Variants in MORC1 observed in about 807,000 individuals in gnomAD.
The protein encoded by MORC1 is MORC family CW-type zinc finger 1.
In MORC1, 59 loss-of-function variants were observed where a neutral mutation model predicts 134.9. That is an observed-to-expected ratio of 0.44 (90% CI 0.35 to 0.54). The LOEUF (loss-of-function observed/expected upper bound fraction) is 0.54. Ranked by LOEUF, MORC1 falls within the 20% of genes least tolerant of loss-of-function variation. The probability of loss-of-function intolerance (pLI) is 0.00; values close to 1 mark genes in which losing one functional copy is unlikely to be tolerated. For synonymous variants in MORC1, 395 were observed against 391.7 expected (o/e 1.01, Z -0.10); for missense variants, 947 against 1,134.5 (o/e 0.83, Z 2.37).
intron 14 of MORC1, among the ~76,000 whole-genome samples, chr3:109,040,403 A>AAAGAGAGAGAAG (rs1553753628): frequency 7.4e-5 from 1 of 13,558 alleles, no homozygotes; most frequent in Admixed American, 1.2e-3. Flanking sequence ...AGAAAGAAAG[A>AAAGAGAGAGAAG]GAAGGAAGGA....
At chr3:109,055,457 A>G (rs1486339460) in intron 13 of MORC1, among the ~76,000 whole-genome samples, 2 of 152,138 alleles carry the variant, frequency 1.3e-5, no homozygotes, top group Admixed American at 6.5e-5. Flanking sequence ...TGCCTTTTGC[A>G]CGGCACATGT....
At chr3:109,004,073 A>AAATAAG (rs71629377) in intron 20 of MORC1, among the ~76,000 whole-genome samples, 40 of 152,270 alleles carry the variant, frequency 2.6e-4, no homozygotes, top group African/African-American at 6.0e-4. Context: ...GTCTCAAAAA[A>AAATAAG]AATAAGAATA....
chr3:109,058,130 T>C (rs1950001175), intron 12 of MORC1, among the ~76,000 whole-genome samples: 1 of 152,174 alleles, frequency 6.6e-6, no homozygotes, highest in African/African-American at 2.4e-5. Flanking sequence ...TAAGGAGTTA[T>C]GATATAAACA....
intron 1 of MORC1, among the ~76,000 whole-genome samples, chr3:109,114,979 CT>C (rs1299577470): frequency 6.6e-6 from 1 of 152,234 alleles, no homozygotes; most frequent in African/African-American, 2.4e-5. Flanking sequence ...CCTCAGGTCA[CT>C]TTCTCCTGTA....
At chr3:109,004,067 CA>C (rs151194694) in intron 20 of MORC1, among the ~76,000 whole-genome samples, 3 of 149,724 alleles carry the variant, frequency 2.0e-5, no homozygotes, top group Non-Finnish European at 3.0e-5. Context: ...GACTTCGTCT[CA>C]AAAAAAATAA....
intron 26 of MORC1, among the ~76,000 whole-genome samples, chr3:108,965,818 A>C (rs1338950929): frequency 6.6e-6 from 1 of 152,184 alleles, no homozygotes; most frequent in East Asian, 1.9e-4. Context: ...TGAAAGAAAG[A>C]AGCAAAAACA....
chr3:108,959,177 T>A, intron 27 of MORC1, 57 bp from the exon 28 acceptor site: 2 of 1,453,516 alleles, frequency 1.4e-6, no homozygotes, highest in South Asian at 2.7e-5. Flanking sequence ...CTTATTCCTG[T>A]AATTTGGGCA....
At chr3:108,983,289 G>A (rs1947800813) in intron 23 of MORC1, among the ~76,000 whole-genome samples, 1 of 152,122 alleles carries the variant, frequency 6.6e-6, no homozygotes, top group African/African-American at 2.4e-5. Context: ...CTGGATATCA[G>A]AGACACAGGG....
At position 109,092,733 on chromosome 3, in the gene MORC1, G is replaced by A. The variant is rs193152221; in HGVS notation, c.689+703C>T. ...AAATTTAAGATTAAATATGTCCCTC[G>A]TTGTGGCTCTCATTATATTTCTATT... On this transcript the variant is annotated intron_variant, in intron 8 of 27. Transcript: ENST00000232603. 1.2e-3 allele frequency among the ~76,000 whole-genome samples: 177 copies of A among 151,750 alleles called. 3 individuals are homozygous for A. The highest frequency in any genetic ancestry group is 3.7e-3 in the African/African-American group (152 of 41,342).
intron 9 of MORC1, among the ~76,000 whole-genome samples, chr3:109,067,471 C>A (rs1034280602): frequency 3.3e-5 from 5 of 152,120 alleles, no homozygotes; most frequent in Non-Finnish European, 5.9e-5. Context: ...GAATGGGAAG[C>A]AGCCATCACT....
intron 23 of MORC1, among the ~76,000 whole-genome samples, chr3:108,982,659 A>C (rs1211189878): frequency 6.6e-6 from 1 of 151,340 alleles, no homozygotes; most frequent in Admixed American, 6.6e-5. Context: ...CAGCAAACCA[A>C]CATGGCACAT....
chr3:108,989,128 T>C (rs1361389780), intron 21 of MORC1, among the ~76,000 whole-genome samples: 1 of 152,236 alleles, frequency 6.6e-6, no homozygotes, highest in African/African-American at 2.4e-5. Flanking sequence ...TCTGAATTTT[T>C]TCAAGATGAG....
intron 16 of MORC1, among the ~76,000 whole-genome samples, chr3:109,029,252 T>C (rs1330618394): frequency 6.6e-6 from 1 of 152,188 alleles, no homozygotes; most frequent in East Asian, 1.9e-4. Context: ...GGTAAACAAA[T>C]TCTAGGGACA....
chr3:108,988,885 G>C (rs1947969936), intron 21 of MORC1, among the ~76,000 whole-genome samples: 2 of 152,142 alleles, frequency 1.3e-5, no homozygotes, highest in African/African-American at 4.8e-5. Flanking sequence ...CTAAAGGGCT[G>C]TTTTTCCTAG....
chr3:109,054,822 A>T lies in MORC1; in HGVS notation c.1236T>A (p.His412Gln). The change falls in exon 14 of 28, where the codon CAT becomes CAA. Residue 412 changes from histidine (H) to glutamine (Q), a missense_variant. His to Gln is a conservative substitution (Grantham distance 24, BLOSUM62 0). This residue lies in a region of MORC1 where 722 missense variants were observed against 817.0 expected (regional missense o/e 0.88). Coordinates refer to ENST00000232603, the MANE Select transcript of MORC1 (RefSeq NM_014429.4). ...GGACATTGAGAAATTCCTGTTTATTATGGGATGGTTCCATGACCTCCAAGG... is the reference window on the plus strand; with the variant it reads ...GGACATTGAGAAATTCCTGTTTATTTTGGGATGGTTCCATGACCTCCAAGG... The part of the protein sequence containing the change: ...NIPLEVMEPS[H>Q]NKQEFLNVQE... The T allele has an allele frequency of 2.5e-6, 4 of 1,608,040 alleles. No homozygotes were observed. The highest frequency in any genetic ancestry group is 3.4e-6 in the Non-Finnish European group (4 of 1,178,614).
intron 8 of MORC1, among the ~76,000 whole-genome samples, chr3:109,088,939 T>C (rs1950666341): frequency 6.6e-6 from 1 of 152,148 alleles, no homozygotes; most frequent in African/African-American, 2.4e-5. Context: ...TGGAGGCTGT[T>C]ATTTTTAGCA....
intron 6 of MORC1, among the ~76,000 whole-genome samples, chr3:109,097,197 C>CA (rs1220411424): frequency 3.3e-5 from 5 of 151,900 alleles, no homozygotes; most frequent in East Asian, 3.9e-4. Flanking sequence ...AACAAACAAA[C>CA]AAAAAACGAA....
At chr3:109,016,301 C>T (rs920643844) in intron 17 of MORC1, among the ~76,000 whole-genome samples, 1 of 151,984 alleles carries the variant, frequency 6.6e-6, no homozygotes, top group African/African-American at 2.4e-5. Flanking sequence ...TTCACTTGTC[C>T]CTAACTAGCT....
At chr3:108,998,799 A>G (rs559817496) in intron 21 of MORC1, among the ~76,000 whole-genome samples, 12 of 152,356 alleles carry the variant, frequency 7.9e-5, no homozygotes, top group Admixed American at 5.2e-4. Flanking sequence ...GTATGAAAAC[A>G]GACATCCTGC....
Sources: gnomAD v4.1 joint callset for allele counts (sites outside exome capture counted in the v4.1 genomes callset) on GRCh38, gnomAD v4.1.1 for gene constraint, gnomAD v4.1.1 regional missense constraint, MANE v1.5 for transcripts, NCBI Gene and HGNC (gene_info 2026-07-23, HGNC 2026-07-21) for gene names.